Variants in SPMIP4 observed in about 807,000 individuals in gnomAD.
SPMIP4 encodes sperm microtubule inner protein 4, also known as sperm-associated microtubule inner protein 4.
At chr7:25,158,449 T>A in the SPMIP4 span, 1 of 1,339,854 alleles carries the variant, frequency 7.5e-7, no homozygotes, top group Non-Finnish European at 1.1e-6. Context: ...GAAATGTCAA[T>A]TTTTTTTTCT....
At chr7:25,164,026 G>C in the SPMIP4 span, among the ~76,000 whole-genome samples, 1 of 152,200 alleles carries the variant, frequency 6.6e-6, no homozygotes. Context: ...CCGAACATTA[G>C]GATGGCTTAC....
At chr7:25,151,095 T>G in the SPMIP4 span, among the ~76,000 whole-genome samples, 5 of 152,210 alleles carry the variant, frequency 3.3e-5, no homozygotes. Flanking sequence ...CAATCTTTTT[T>G]TTTGGTAACT....
At chr7:25,165,647 C>T in the SPMIP4 span, among the ~76,000 whole-genome samples, 13 of 152,152 alleles carry the variant, frequency 8.5e-5, no homozygotes, top group African/African-American at 2.7e-4. Flanking sequence ...CGCGCCTGGC[C>T]GCATTTTCTT....
At chr7:25,155,062 G>T in the SPMIP4 span, 21 of 1,613,990 alleles carry the variant, frequency 1.3e-5, no homozygotes, top group African/African-American at 2.8e-4. Flanking sequence ...ACCGTGGGAG[G>T]AAAGGGCTGC....
chr7:25,156,753 T>A, the SPMIP4 span, among the ~76,000 whole-genome samples: 1 of 152,144 alleles, frequency 6.6e-6, no homozygotes, highest in Non-Finnish European at 1.5e-5. Flanking sequence ...AATGGCAGGA[T>A]CTCAGCTCAC....
the SPMIP4 span, chr7:25,134,953 A>G: frequency 2.0e-6 from 2 of 984,932 alleles, no homozygotes; most frequent in South Asian, 9.4e-5. Flanking sequence ...ATGCAGTTGG[A>G]AAAAAATTCT....
At chr7:25,127,408 T>C in the SPMIP4 span, among the ~76,000 whole-genome samples, 1 of 152,206 alleles carries the variant, frequency 6.6e-6, no homozygotes, top group African/African-American at 2.4e-5. Flanking sequence ...TCTGAGTGTG[T>C]ATTTTCAAAT....
the SPMIP4 span, among the ~76,000 whole-genome samples, chr7:25,154,068 G>A: frequency 6.6e-6 from 1 of 152,202 alleles, no homozygotes; most frequent in African/African-American, 2.4e-5. Context: ...TGGACCGCAG[G>A]TGAGTAAGTG....
the SPMIP4 span, among the ~76,000 whole-genome samples, chr7:25,159,724 C>T: frequency 6.6e-6 from 1 of 152,100 alleles, no homozygotes; most frequent in Non-Finnish European, 1.5e-5. Flanking sequence ...TTTTAAATTT[C>T]AACTCTAAAT....
At chr7:25,151,476 G>A in the SPMIP4 span, 2 of 609,018 alleles carry the variant, frequency 3.3e-6, no homozygotes, top group South Asian at 4.0e-5. Context: ...GCCCACCTTG[G>A]CTTCCCTAAG....
At chr7:25,136,586 C>T in the SPMIP4 span, 12 of 1,613,996 alleles carry the variant, frequency 7.4e-6, no homozygotes, top group African/African-American at 5.3e-5. This position sits in a 1 kb window ranked among gnomAD's most constrained non-coding sequence, Gnocchi z 5.7. Flanking sequence ...TGGGTCACAC[C>T]GGCTGGTATG....
chr7:25,129,537 T>A, the SPMIP4 span, among the ~76,000 whole-genome samples: 1 of 152,216 alleles, frequency 6.6e-6, no homozygotes, highest in Non-Finnish European at 1.5e-5. Context: ...AATCCAAGAC[T>A]GCCTTTTTTA....
the SPMIP4 span, among the ~76,000 whole-genome samples, chr7:25,160,482 A>C: frequency 6.6e-6 from 1 of 152,096 alleles, no homozygotes; most frequent in African/African-American, 2.4e-5. Context: ...TATTTTTAGT[A>C]GAGACAGGGT....
chr7:25,134,573 G>T, the SPMIP4 span: 3 of 615,886 alleles, frequency 4.9e-6, no homozygotes, highest in Non-Finnish European at 6.1e-6. Flanking sequence ...ATGGAGGTAG[G>T]CAGAGTGAAC....
chr7:25,135,521 A>G, the SPMIP4 span: 18 of 984,832 alleles, frequency 1.8e-5, no homozygotes, highest in South Asian at 7.0e-4. Flanking sequence ...TAATGCTACT[A>G]TGTACAAAAA....
At chr7:25,144,260 T>A in the SPMIP4 span, among the ~76,000 whole-genome samples, 55 of 152,366 alleles carry the variant, frequency 3.6e-4, no homozygotes, top group Non-Finnish European at 6.6e-4. Flanking sequence ...AAATAAAATA[T>A]GTTCCTTTCA....
At chr7:25,130,813 C>T in the SPMIP4 span, among the ~76,000 whole-genome samples, 1 of 152,218 alleles carries the variant, frequency 6.6e-6, no homozygotes, top group Non-Finnish European at 1.5e-5. Context: ...TTGGCCTATG[C>T]CCAGGAATGA....
chr7:25,151,224 A>AT, the SPMIP4 span, among the ~76,000 whole-genome samples: 3,937 of 145,432 alleles, frequency 0.027, 169 homozygotes, highest in African/African-American at 0.094. Flanking sequence ...AAACTTTTAG[A>AT]TTTTTTTTTT....
chr7:25,141,382 G>C, the SPMIP4 span, among the ~76,000 whole-genome samples: 1 of 152,022 alleles, frequency 6.6e-6, no homozygotes, highest in African/African-American at 2.4e-5. Context: ...GACCATCCTG[G>C]TCAACATGGT....
Sources: allele counts gnomAD v4.1 joint callset (sites outside exome capture counted in the v4.1 genomes callset), GRCh38; gene constraint gnomAD v4.1.1; non-coding constraint Gnocchi (gnomAD v3.1); transcripts MANE v1.5; gene names NCBI Gene and HGNC (gene_info 2026-07-23, HGNC 2026-07-21).